The following AP1S3 variants were observed in gnomAD, a reference collection of about 807,000 sequenced individuals.
The protein encoded by AP1S3 is adaptor related protein complex 1 subunit sigma 3, also known as AP-1 complex subunit sigma-3.
AP1S3 carries 10 observed loss-of-function variants against 20.9 expected under a neutral mutation model. The observed-to-expected ratio is 0.48, with a 90% CI of 0.29 to 0.81. The LOEUF is 0.81. Ranked by LOEUF, AP1S3 falls within the 30% of genes least tolerant of loss-of-function variation. AP1S3 has a pLI of 0.08. For missense variants in AP1S3, 154 were observed against 183.8 expected (o/e 0.84, Z 0.94); for synonymous variants, 41 against 61.5 (o/e 0.67, Z 1.56).
intron 1 of AP1S3, among the ~76,000 whole-genome samples, chr2:223,797,652 A>T (rs928323649): frequency 6.6e-6 from 1 of 152,014 alleles, no homozygotes; most frequent in African/African-American, 2.4e-5. Flanking sequence ...TACAATCTCA[A>T]CTACCTGGGA....
chr2:223,775,126 G>A (rs527934546), intron 3 of AP1S3, among the ~76,000 whole-genome samples: 22 of 151,722 alleles, frequency 1.5e-4, no homozygotes, highest in African/African-American at 5.1e-4. Flanking sequence ...GAAGACTCAA[G>A]AGGAATCGCT....
chr2:223,770,447 T>G, intron 3 of AP1S3: 1 of 1,437,286 alleles, frequency 7.0e-7, no homozygotes, highest in Non-Finnish European at 9.3e-7. Flanking sequence ...ACTGTACTAG[T>G]TTCAAGGGAT....
chr2:223,770,181 A>G, intron 3 of AP1S3: 1 of 1,549,848 alleles, frequency 6.5e-7, no homozygotes, highest in East Asian at 2.4e-5. Context: ...AGAAGGTATG[A>G]GAAGAAAGCA....
chr2:223,787,335 G>T (rs1691101059), intron 1 of AP1S3, among the ~76,000 whole-genome samples: 1 of 152,184 alleles, frequency 6.6e-6, no homozygotes. Context: ...ATGCAAGAAT[G>T]GATGAATACA....
chr2:223,775,844 A>C lies in AP1S3; in HGVS notation c.291+57T>G, dbSNP rs1490109048. On this transcript the variant is annotated intron_variant, in intron 3 of 4. Transcript: ENST00000396654. ...AGGGATGTGACCAGAGACAGAACTG[A>C]AGTAAGAGCTGAGATGGGGACTGTA... 6 of 1,312,142 alleles carry C rather than the reference A, an allele frequency of 4.6e-6. No homozygotes were observed. The Admixed American group carries it at 1.1e-4, about 24-fold the overall frequency. The allele number at this position is 1,312,142 out of a possible 1,614,324, so 81.3% of individuals were successfully genotyped here.
At chr2:223,759,822 G>A (rs547167353) in intron 4 of AP1S3, among the ~76,000 whole-genome samples, 23 of 152,108 alleles carry the variant, frequency 1.5e-4, no homozygotes, top group African/African-American at 5.3e-4. Flanking sequence ...CTATGTGTCC[G>A]TGTGTTCTCA....
At chr2:223,797,573 C>T (rs989051610) in intron 1 of AP1S3, among the ~76,000 whole-genome samples, 2 of 152,148 alleles carry the variant, frequency 1.3e-5, no homozygotes, top group South Asian at 2.1e-4. Context: ...ACCAGCCTGG[C>T]CAACATGGCA....
chr2:223,765,277 T>TC lies in AP1S3; in HGVS notation c.364dup (p.Glu122GlyfsTer15). The stretch of plus-strand genomic sequence containing the variant: ...AATTTTCTTGGATGTTTCCTGAATT[T>TC]CCCCACCTATTATAAACTCGTCCAG... On this transcript the variant is annotated frameshift_variant, in exon 4 of 5. Transcript: ENST00000396654. LOFTEE classifies it high-confidence loss of function. 6.2e-7 allele frequency: 1 copy of TC among 1,614,104 alleles called. No homozygotes were observed. The highest frequency in any genetic ancestry group is 8.5e-7 in the Non-Finnish European group (1 of 1,180,024).
At position 223,775,983 on chromosome 2, in the gene AP1S3, G is replaced by T. The variant is rs1047885984; in HGVS notation, c.209C>A (p.Ala70Glu). ...KRYASLYFCC[A>E]IENQDNELLT... ...GAGCTCATTGTCCTGATTTTCTATT[G>T]CACAGCAAAAATATAAACTAGCATA... The change falls in exon 3 of 5, where the codon GCA (alanine) becomes GAA (glutamate). Residue 70 changes from alanine to glutamate, a missense_variant. Physicochemically the swap from Ala to Glu is moderately radical, Grantham distance 107. Transcript: ENST00000396654. 6.2e-7 allele frequency: 1 copy of T among 1,613,842 alleles called. No individual in the cohort carries two copies.
intron 3 of AP1S3, among the ~76,000 whole-genome samples, chr2:223,771,950 T>C (rs1055888026): frequency 1.3e-4 from 19 of 151,640 alleles, no homozygotes; most frequent in African/African-American, 4.6e-4. Flanking sequence ...CTACCAAAAA[T>C]ACAAAAATTA....
chr2:223,816,241 G>T (rs2106121939), intron 1 of AP1S3, among the ~76,000 whole-genome samples: 1 of 152,120 alleles, frequency 6.6e-6, no homozygotes, highest in African/African-American at 2.4e-5. Flanking sequence ...CACCAGTTGG[G>T]TTAATTGGTT....
chr2:223,806,409 G>C (rs180811934), intron 1 of AP1S3, among the ~76,000 whole-genome samples: 73 of 149,522 alleles, frequency 4.9e-4, no homozygotes, highest in Middle Eastern at 3.5e-3. Flanking sequence ...TCAACCTCTC[G>C]AGTAGGTGGG....
intron 3 of AP1S3, among the ~76,000 whole-genome samples, chr2:223,773,825 G>A (rs1385762499): frequency 6.6e-6 from 1 of 152,216 alleles, no homozygotes; most frequent in Non-Finnish European, 1.5e-5. Flanking sequence ...AGGGTATTAT[G>A]AGAAGAAAAC....
chr2:223,761,692 G>C (rs968761043), intron 4 of AP1S3, among the ~76,000 whole-genome samples: 1 of 152,132 alleles, frequency 6.6e-6, no homozygotes, highest in Non-Finnish European at 1.5e-5. Flanking sequence ...CTTCTGAGTA[G>C]CTGGGATTAC....
chr2:223,773,365 C>T, intron 3 of AP1S3: 2 of 1,302,972 alleles, frequency 1.5e-6, no homozygotes, highest in Non-Finnish European at 1.0e-6. Context: ...TAGTTTATTT[C>T]AAAGGAAAGT....
chr2:223,816,932 A>G (rs1227766192), intron 1 of AP1S3, among the ~76,000 whole-genome samples: 1 of 152,130 alleles, frequency 6.6e-6, no homozygotes, highest in Admixed American at 6.5e-5. Flanking sequence ...GTTCGAAACC[A>G]GCCTAGCCAT....
chr2:223,784,501 C>T (rs906528297), intron 1 of AP1S3, among the ~76,000 whole-genome samples: 1 of 152,114 alleles, frequency 6.6e-6, no homozygotes, highest in East Asian at 1.9e-4. Context: ...TTTGAGAGCA[C>T]GGCATCGTCA....
At chr2:223,804,410 G>A (rs1316524501) in intron 1 of AP1S3, among the ~76,000 whole-genome samples, 1 of 152,156 alleles carries the variant, frequency 6.6e-6, no homozygotes, top group Non-Finnish European at 1.5e-5. Context: ...TAGAAAAGAT[G>A]AGGATCAGCC....
At chr2:223,790,890 C>A (rs1691202380) in intron 1 of AP1S3, among the ~76,000 whole-genome samples, 1 of 152,112 alleles carries the variant, frequency 6.6e-6, no homozygotes, top group Non-Finnish European at 1.5e-5. Context: ...TACAAAAACA[C>A]CTCTATGCAC....
Sources: gnomAD v4.1 joint callset for allele counts (sites outside exome capture counted in the v4.1 genomes callset) on GRCh38, gnomAD v4.1.1 for gene constraint, MANE v1.5 for transcripts, NCBI Gene and HGNC (gene_info 2026-07-23, HGNC 2026-07-21) for gene names.